SYNDIG1L: variants seen among roughly 807,000 people sequenced by gnomAD.
SYNDIG1L encodes synapse differentiation inducing 1 like.
In SYNDIG1L, 13 loss-of-function variants were observed where a neutral mutation model predicts 20.1. The observed-to-expected ratio is 0.65, with a 90% CI of 0.42 to 1.03. The LOEUF is 1.03. SYNDIG1L is among the 50% of genes least tolerant of loss of function. The pLI is 0.00. For synonymous variants in SYNDIG1L, 128 were observed against 129.3 expected (o/e 0.99, Z 0.07); for missense variants, 294 against 305.1 (o/e 0.96, Z 0.27).
In SYNDIG1L at chr14:74,407,060, G is replaced by A. The variant is rs902815056; in HGVS notation, c.*475C>T. On this transcript the variant is annotated 3_prime_UTR_variant, in exon 4 of 4. Transcript: ENST00000331628. ...ATGATGGGGCCAGACAGTGGAGTTGGGGGAAGCTCAGGCTGTCCCCAGGTG... is the reference window on the plus strand; with the variant it reads ...ATGATGGGGCCAGACAGTGGAGTTGAGGGAAGCTCAGGCTGTCCCCAGGTG... 3 of 176,428 alleles carry A rather than the reference G, an allele frequency of 1.7e-5. No homozygotes were observed. Among genetic ancestry groups the A allele is most frequent in the Non-Finnish European group, 3.6e-5 (3 of 82,468 alleles). 10.9% of individuals were successfully genotyped at this position (176,428 alleles called of 1,614,324 possible).
the SYNDIG1L span, among the ~76,000 whole-genome samples, chr14:74,461,325 C>T: frequency 6.6e-6 from 1 of 152,180 alleles, no homozygotes; most frequent in Non-Finnish European, 1.5e-5. Flanking sequence ...GACTTCTCTA[C>T]TTTTTTCAAT....
chr14:74,446,489 A>G, the SYNDIG1L span, among the ~76,000 whole-genome samples: 1 of 152,212 alleles, frequency 6.6e-6, no homozygotes, highest in Non-Finnish European at 1.5e-5. Flanking sequence ...AATGGACTAT[A>G]CAAAATACTA....
the SYNDIG1L span, among the ~76,000 whole-genome samples, chr14:74,477,117 CAACACACA>C: frequency 9.7e-6 from 1 of 102,646 alleles, no homozygotes. Flanking sequence ...GCCCCATTCC[CAACACACA>C]CACACACACA....
At chr14:74,422,668 C>CACACACACACACAA (rs2086232022) in intron 1 of SYNDIG1L, among the ~76,000 whole-genome samples, 1 of 151,292 alleles carries the variant, frequency 6.6e-6, no homozygotes, top group Non-Finnish European at 1.5e-5. Flanking sequence ...CACACACACA[C>CACACACACACACAA]ACACACACAC....
At chr14:74,469,015 C>T in the SYNDIG1L span, among the ~76,000 whole-genome samples, 1 of 152,092 alleles carries the variant, frequency 6.6e-6, no homozygotes, top group African/African-American at 2.4e-5. Context: ...CCTGTCAAGG[C>T]CCTTGGGGGT....
intron 1 of SYNDIG1L, among the ~76,000 whole-genome samples, chr14:74,411,331 G>A (rs989647108): frequency 2.0e-5 from 3 of 152,186 alleles, no homozygotes; most frequent in Non-Finnish European, 4.4e-5. Context: ...TTTTGAGAGA[G>A]GGGGCTGCTG....
At chr14:74,433,674 T>A in the SYNDIG1L span, among the ~76,000 whole-genome samples, 1 of 152,112 alleles carries the variant, frequency 6.6e-6, no homozygotes, top group Non-Finnish European at 1.5e-5. Context: ...CGGGAGCCAC[T>A]GTGCCTGGCA....
At chr14:74,455,552 T>A in the SYNDIG1L span, among the ~76,000 whole-genome samples, 1 of 152,190 alleles carries the variant, frequency 6.6e-6, no homozygotes, top group Non-Finnish European at 1.5e-5. Flanking sequence ...CCTGAGTAGC[T>A]GGGATTACAG....
chr14:74,460,549 A>G, the SYNDIG1L span, among the ~76,000 whole-genome samples: 1 of 152,204 alleles, frequency 6.6e-6, no homozygotes, highest in Non-Finnish European at 1.5e-5. Flanking sequence ...TGCCTGTGAC[A>G]GCGCTGGTCC....
At chr14:74,408,836 T>C (rs931417298) in intron 2 of SYNDIG1L, among the ~76,000 whole-genome samples, 4 of 152,038 alleles carry the variant, frequency 2.6e-5, no homozygotes, top group Non-Finnish European at 5.9e-5. Flanking sequence ...ATGTTATCTT[T>C]GAGTGTGCTG....
At chr14:74,417,630 G>T (rs2086186890) in intron 1 of SYNDIG1L, among the ~76,000 whole-genome samples, 2 of 108,842 alleles carry the variant, frequency 1.8e-5, no homozygotes, top group Non-Finnish European at 3.8e-5. Flanking sequence ...ACTTGCCCAA[G>T]ATTAAACAGT....
the SYNDIG1L span, among the ~76,000 whole-genome samples, chr14:74,463,024 A>G: frequency 1.7e-4 from 26 of 152,250 alleles, no homozygotes; most frequent in African/African-American, 6.3e-4. Context: ...ATCATGGGGG[A>G]CATTTGGAGG....
chr14:74,457,730 T>C, the SYNDIG1L span, among the ~76,000 whole-genome samples: 2 of 151,992 alleles, frequency 1.3e-5, no homozygotes, highest in African/African-American at 4.8e-5. Context: ...CCCAGGGGAC[T>C]CTTGCCTCTC....
rs541982037 is a variant in SYNDIG1L, at chr14:74,418,668, C to T, written c.-58+7244G>A. Reference sequence around the variant, plus strand: ...CAAGGCATAAAAGGCCATCTTTCACCTTGCTCACTGGAACACTCGCTCTTG... The same window carrying T: ...CAAGGCATAAAAGGCCATCTTTCACTTTGCTCACTGGAACACTCGCTCTTG... On this transcript the variant is annotated intron_variant, in intron 1 of 3. Transcript: ENST00000331628. 4.6e-5 allele frequency among the ~76,000 whole-genome samples: 7 copies of T among 152,280 alleles called. No homozygotes were observed. In the South Asian group the frequency reaches 1.0e-3, roughly 23 times the overall value.
At chr14:74,410,897 AG>A (rs1398926202) in intron 1 of SYNDIG1L, among the ~76,000 whole-genome samples, 15 of 152,076 alleles carry the variant, frequency 9.9e-5, no homozygotes, top group Non-Finnish European at 5.9e-5. Context: ...CTGGGTTCTG[AG>A]GTCTGGACCT....
chr14:74,407,404 G>A lies in SYNDIG1L; in HGVS notation c.*131C>T, dbSNP rs1595192481. 3 of 1,294,282 alleles carry A rather than the reference G, an allele frequency of 2.3e-6. No individual in the cohort carries two copies. The highest frequency in any genetic ancestry group is 4.8e-5 in the East Asian group (2 of 41,286). 80.2% of individuals were successfully genotyped at this position (1,294,282 alleles called of 1,614,324 possible). ...TGAGCTCTGCAGGCTGTGGAATGGG[G>A]GTCTCCCCCTCAGCAAGCCACTCTC... On this transcript the variant is annotated 3_prime_UTR_variant, in exon 4 of 4. Coordinates refer to ENST00000331628, the MANE Select transcript of SYNDIG1L (RefSeq NM_001105579.2).
At chr14:74,419,687 A>C (rs1052242520) in intron 1 of SYNDIG1L, among the ~76,000 whole-genome samples, 1 of 152,220 alleles carries the variant, frequency 6.6e-6, no homozygotes, top group Non-Finnish European at 1.5e-5. Flanking sequence ...CTATGGGTGC[A>C]TTGATAAGGG....
the SYNDIG1L span, among the ~76,000 whole-genome samples, chr14:74,453,951 G>C: frequency 1.3e-5 from 2 of 152,092 alleles, no homozygotes; most frequent in Non-Finnish European, 2.9e-5. Flanking sequence ...GGAGAACAGA[G>C]TGAGATTCTG....
At chr14:74,467,278 T>A in the SYNDIG1L span, among the ~76,000 whole-genome samples, 2 of 152,064 alleles carry the variant, frequency 1.3e-5, no homozygotes, top group Admixed American at 6.5e-5. Context: ...ATTATTTCCT[T>A]TCAGAAGCTT....
Sources: gnomAD v4.1 joint callset for allele counts (sites outside exome capture counted in the v4.1 genomes callset) on GRCh38, gnomAD v4.1.1 for gene constraint, MANE v1.5 for transcripts, NCBI Gene and HGNC (gene_info 2026-07-23, HGNC 2026-07-21) for gene names.